PNKD: variants seen among roughly 807,000 people sequenced by gnomAD.
The protein encoded by PNKD is probable thioesterase PNKD.
Under a neutral mutation model 45.3 loss-of-function variants are expected in PNKD, and 36 were observed. The ratio of observed to expected loss-of-function variants is 0.80; its 90% CI spans 0.61 to 1.05. The LOEUF (loss-of-function observed/expected upper bound fraction) is 1.05. Among genes scored for constraint, PNKD ranks in the 50% least tolerant of loss-of-function variants. The pLI, the probability that PNKD is intolerant of heterozygous loss-of-function variation, is 0.00. For synonymous variants in PNKD, 197 were observed against 210.1 expected, an observed-to-expected ratio of 0.94 and a Z score of 0.54; for missense variants, 511 against 506.6, an observed-to-expected ratio of 1.01 and a Z score of -0.08.
rs1694164611 is a variant in PNKD at position 218,326,757 on chromosome 2, A to G, written c.237-13026A>G. 1 of 152,252 alleles carries G rather than the reference A, an allele frequency of 6.6e-6. No homozygotes were observed. The highest frequency in any genetic ancestry group is 2.1e-4 in the South Asian group (1 of 4,826). 9.4% of individuals were successfully genotyped at this position (152,252 alleles called of 1,614,324 possible). The stretch of plus-strand genomic sequence containing the variant: ...CCCACCACCCAGCAGGAAACTCCAC[A>G]TCCCTTCATTCAGCCAGGGAACACC... On this transcript the variant is annotated intron_variant, in intron 2 of 9. Transcript: ENST00000273077. The surrounding 1 kb of genome is among the most constrained non-coding windows in gnomAD (Gnocchi z 4.1).
chr2:218,319,811 G>C (rs961695781), intron 2 of PNKD, among the ~76,000 whole-genome samples: 1 of 152,252 alleles, frequency 6.6e-6, no homozygotes, highest in African/African-American at 2.4e-5. Context: ...AGGCGAAATC[G>C]CCACTGTTGA....
intron 2 of PNKD, among the ~76,000 whole-genome samples, chr2:218,296,273 G>A (rs1574673110): frequency 6.6e-6 from 1 of 152,170 alleles, no homozygotes; most frequent in Non-Finnish European, 1.5e-5. Context: ...TATTTTTCCA[G>A]CAACACTACC....
At chr2:218,292,214 C>G (rs1477777919) in intron 2 of PNKD, among the ~76,000 whole-genome samples, 1 of 152,246 alleles carries the variant, frequency 6.6e-6, no homozygotes, top group Non-Finnish European at 1.5e-5. Context: ...GTGCCCACAA[C>G]ACGCTGCTGG....
At chr2:218,323,088 G>A (rs1694035602) in intron 2 of PNKD, 2 of 1,066,610 alleles carry the variant, frequency 1.9e-6, no homozygotes, top group Non-Finnish European at 2.4e-6. Flanking sequence ...GTGGCCTTCG[G>A]GGTGCTTGCC....
rs201303528 is a variant in PNKD, at chr2:218,272,618, G to A, written c.236+1069G>A. On this transcript the variant is annotated intron_variant, in intron 2 of 9. Coordinates refer to ENST00000273077, the MANE Select transcript of PNKD (RefSeq NM_015488.5). The stretch of plus-strand genomic sequence containing the variant: ...TCCTCCTCTTCATCCTCACCAAGCG[G>A]GAAGTGGACAAGGACCGTGTGAAGC... The A allele has an allele frequency of 9.6e-4, 1,553 of 1,614,178 alleles. 3 individuals are homozygous for A. Among genetic ancestry groups the A allele is most frequent in the Non-Finnish European group, 9.8e-4 (1,153 of 1,180,014 alleles).
intron 2 of PNKD, chr2:218,281,976 G>T: frequency 6.2e-7 from 1 of 1,605,332 alleles, no homozygotes. Flanking sequence ...GGGGGCATGG[G>T]CTGTGGGTAG....
rs571486214 is a variant in PNKD, at chr2:218,322,130, C to A, written c.237-17653C>A. Among the ~76,000 whole-genome samples the A allele has an allele frequency of 7.9e-5, 12 of 151,592 alleles. No homozygotes were observed. The East Asian group carries it at 1.9e-3, about 25-fold the overall frequency. On this transcript the variant is annotated intron_variant, in intron 2 of 9. Coordinates refer to ENST00000273077, the MANE Select transcript of PNKD (RefSeq NM_015488.5). ...AAAGACGTGGTTTCTCCATGTTGGTCAAGCTGGTCTCCAACTCCCGACCTC... is the reference window on the plus strand; with the variant it reads ...AAAGACGTGGTTTCTCCATGTTGGTAAAGCTGGTCTCCAACTCCCGACCTC...
At chr2:218,275,965 T>C in intron 2 of PNKD, 1 of 1,560,832 alleles carries the variant, frequency 6.4e-7, no homozygotes, top group Non-Finnish European at 8.7e-7. Flanking sequence ...TCATGCCCCC[T>C]TCCCTAGATT....
At chr2:218,282,691 C>CG in intron 2 of PNKD, among the ~76,000 whole-genome samples, 1 of 152,116 alleles carries the variant, frequency 6.6e-6, no homozygotes, top group Non-Finnish European at 1.5e-5. Flanking sequence ...AGTGGAGAGC[C>CG]GGGGGAAGAA....
At chr2:218,323,077 G>C in intron 2 of PNKD, 1 of 939,758 alleles carries the variant, frequency 1.1e-6, no homozygotes, top group Non-Finnish European at 1.4e-6. Context: ...CCCCAAGCCG[G>C]GTGGCCTTCG....
At chr2:218,338,684 A>C (rs1694572085) in intron 2 of PNKD, among the ~76,000 whole-genome samples, 1 of 149,886 alleles carries the variant, frequency 6.7e-6, no homozygotes, top group Admixed American at 6.7e-5. Flanking sequence ...GGGTTTCACC[A>C]TGTTAGTCAG....
chr2:218,315,541 T>TGACCAA (rs1693787899), intron 2 of PNKD, among the ~76,000 whole-genome samples: 2 of 152,350 alleles, frequency 1.3e-5, no homozygotes, highest in South Asian at 2.1e-4. Flanking sequence ...AATGTATGCC[T>TGACCAA]TTAAGGAATA....
intron 2 of PNKD, chr2:218,272,721 A>T: frequency 6.2e-7 from 1 of 1,614,180 alleles, no homozygotes; most frequent in Non-Finnish European, 8.5e-7. Context: ...TTCCTCCCAG[A>T]GTGCCCCGTC....
At chr2:218,280,641 C>A in intron 2 of PNKD, 1 of 158,884 alleles carries the variant, frequency 6.3e-6, no homozygotes, top group Admixed American at 6.1e-5. Flanking sequence ...GCGCACATGT[C>A]CAGGTGAGAG....
chr2:218,332,997 G>A lies in PNKD; in HGVS notation c.237-6786G>A, dbSNP rs146847798. On this transcript the variant is annotated intron_variant, in intron 2 of 9. Transcript: ENST00000273077. Reference sequence around the variant, plus strand: ...CACATCACCCAGAACCGTCCATGCCGCTGGCTCGGTCTTGCAGTTTCCAGC... The same window carrying A: ...CACATCACCCAGAACCGTCCATGCCACTGGCTCGGTCTTGCAGTTTCCAGC... 8.5e-5 allele frequency among the ~76,000 whole-genome samples: 13 copies of A among 152,184 alleles called. 1 individual carries two copies. The South Asian group carries it at 1.9e-3, about 22-fold the overall frequency.
intron 2 of PNKD, chr2:218,281,935 C>T: frequency 6.3e-7 from 1 of 1,588,608 alleles, no homozygotes; most frequent in Non-Finnish European, 8.6e-7. Flanking sequence ...CCTTCCAGGA[C>T]TCACCGTAGT....
In PNKD at chr2:218,345,027, C is replaced by T. The variant is rs562448833; in HGVS notation, c.*46C>T. 38 of 1,457,176 alleles carry T rather than the reference C, an allele frequency of 2.6e-5. No homozygotes were observed. The Admixed American group carries it at 4.0e-4, about 15-fold the overall frequency. The allele number at this position is 1,457,176 out of a possible 1,614,324, so 90.3% of individuals were successfully genotyped here. The stretch of plus-strand genomic sequence containing the variant: ...CAGCCCACTCCCCGCATGGGGAGGC[C>T]GCCACCACCAACACCTCATCATCCT... On this transcript the variant is annotated 3_prime_UTR_variant, in exon 10 of 10. Transcript: ENST00000273077.
At chr2:218,314,226 T>TTTTTTTC (rs1693703685) in intron 2 of PNKD, among the ~76,000 whole-genome samples, 1 of 133,226 alleles carries the variant, frequency 7.5e-6, no homozygotes, top group African/African-American at 3.0e-5. Context: ...CCCTGGCTTT[T>TTTTTTTC]TTTTTTTTTT....
chr2:218,316,065 A>G (rs1693803612), intron 2 of PNKD, among the ~76,000 whole-genome samples: 1 of 152,154 alleles, frequency 6.6e-6, no homozygotes, highest in Admixed American at 6.6e-5. Flanking sequence ...TGGCGTGGGA[A>G]AATATACCTC....
Sources: gnomAD v4.1 joint callset for allele counts (sites outside exome capture counted in the v4.1 genomes callset) on GRCh38, gnomAD v4.1.1 for gene constraint, Gnocchi (gnomAD v3.1) non-coding constraint, MANE v1.5 for transcripts, NCBI Gene and HGNC (gene_info 2026-07-23, HGNC 2026-07-21) for gene names.